Variants in IMMP2L observed in about 807,000 individuals in gnomAD.
IMMP2L encodes inner mitochondrial membrane peptidase subunit 2.
A neutral mutation model predicts 19.3 loss-of-function variants in IMMP2L; 18 were observed. That is an observed-to-expected ratio of 0.93 (90% CI 0.64 to 1.38). IMMP2L has a LOEUF of 1.38. Among genes scored for constraint, IMMP2L ranks in the 40% most tolerant of loss-of-function variants. IMMP2L has a pLI of 0.00. For synonymous variants in IMMP2L, 76 were observed against 73.0 expected (o/e 1.04, Z -0.21); for missense variants, 233 against 218.2 (o/e 1.07, Z -0.43).
chr7:111,458,103 G>T (rs999974660), intron 3 of IMMP2L, among the ~76,000 whole-genome samples: 4 of 152,132 alleles, frequency 2.6e-5, no homozygotes, highest in African/African-American at 9.7e-5. Flanking sequence ...ATGCACCAGG[G>T]CACGGTGGTT....
intron 5 of IMMP2L, among the ~76,000 whole-genome samples, chr7:110,719,179 G>C (rs2130755869): frequency 6.6e-6 from 1 of 152,264 alleles, no homozygotes; most frequent in Admixed American, 6.5e-5. Flanking sequence ...ACACTGGACT[G>C]AACATGAGTG....
chr7:111,336,536 C>A (rs1397096034), intron 3 of IMMP2L, among the ~76,000 whole-genome samples: 3 of 152,100 alleles, frequency 2.0e-5, no homozygotes, highest in East Asian at 3.9e-4. Flanking sequence ...TAAAAATTAT[C>A]TCTAACAGTA....
chr7:111,428,316 T>C (rs1465606622), intron 3 of IMMP2L, among the ~76,000 whole-genome samples: 1 of 151,722 alleles, frequency 6.6e-6, no homozygotes, highest in Non-Finnish European at 1.5e-5. Context: ...GAAAAATGAA[T>C]ACCAAAAATG....
Position 111,164,141 on chromosome 7 carries a change from GAGGAAGGA to G in IMMP2L, c.240-200584_240-200577del, listed in dbSNP as rs148915362. ...AGGGAGGGGAGGGAGGAGAGGGAGA[GAGGAAGGA>G]AGGAAGGAAGGAAGGCAGGAAGGCA... On this transcript the variant is annotated intron_variant, in intron 3 of 5. Coordinates refer to ENST00000405709, the MANE Select transcript of IMMP2L (RefSeq NM_032549.4). Among the ~76,000 whole-genome samples the G allele has an allele frequency of 6.5e-4, 97 of 150,216 alleles. 1 individual carries two copies. The East Asian group carries it at 0.018, about 28-fold the overall frequency.
At chr7:110,922,658 G>A (rs1329411365) in intron 4 of IMMP2L, among the ~76,000 whole-genome samples, 1 of 152,016 alleles carries the variant, frequency 6.6e-6, no homozygotes, top group East Asian at 1.9e-4. Flanking sequence ...TAGGCTCAAG[G>A]AACCACAGAG....
intron 5 of IMMP2L, among the ~76,000 whole-genome samples, chr7:110,730,331 G>A (rs935304394): frequency 2.0e-5 from 3 of 151,950 alleles, no homozygotes; most frequent in Non-Finnish European, 4.4e-5. Flanking sequence ...TGAGTCTCCC[G>A]GCCTTCATCT....
At chr7:111,337,349 G>A (rs571663128) in intron 3 of IMMP2L, among the ~76,000 whole-genome samples, 1 of 152,190 alleles carries the variant, frequency 6.6e-6, no homozygotes, top group South Asian at 2.1e-4. Flanking sequence ...TAGAAATTAT[G>A]CCATAATCAC....
At chr7:111,445,576 C>A (rs1838268408) in intron 3 of IMMP2L, among the ~76,000 whole-genome samples, 1 of 152,158 alleles carries the variant, frequency 6.6e-6, no homozygotes. Context: ...AGCACGTTCT[C>A]TAAGACATGG....
intron 4 of IMMP2L, among the ~76,000 whole-genome samples, chr7:110,909,100 G>A (rs996866676): frequency 3.4e-4 from 51 of 152,034 alleles, no homozygotes; most frequent in African/African-American, 1.0e-3. Context: ...GATTGAGAGC[G>A]TATGCCAAGA....
chr7:111,216,583 A>G (rs1811947462), intron 3 of IMMP2L, among the ~76,000 whole-genome samples: 1 of 152,066 alleles, frequency 6.6e-6, no homozygotes, highest in East Asian at 1.9e-4. Flanking sequence ...AATGTACAGT[A>G]CTCTATTATT....
In IMMP2L at chr7:110,799,250, A is replaced by C. The variant is rs141439114; in HGVS notation, c.408+87343T>G. Among the ~76,000 whole-genome samples the C allele has an allele frequency of 1.9e-3, 283 of 152,106 alleles. 1 individual carries two copies. Among genetic ancestry groups the C allele is most frequent in the African/African-American group, 6.4e-3 (267 of 41,536 alleles). On this transcript the variant is annotated intron_variant, in intron 5 of 5. Transcript: ENST00000405709. ...GCATGCTTACCATATGTATATCTAG[A>C]AGCTTAGAACCAAAAACTGAAGAAT...
chr7:111,351,320 A>G (rs1395877605), intron 3 of IMMP2L, among the ~76,000 whole-genome samples: 1 of 152,122 alleles, frequency 6.6e-6, no homozygotes. Context: ...CCTCTCGAGT[A>G]GCTGAGATTA....
chr7:110,735,287 C>T (rs1298057277), intron 5 of IMMP2L, among the ~76,000 whole-genome samples: 1 of 152,134 alleles, frequency 6.6e-6, no homozygotes, highest in East Asian at 1.9e-4. Context: ...TTATAAAAAC[C>T]TCTGTATCCA....
intron 3 of IMMP2L, among the ~76,000 whole-genome samples, chr7:111,132,135 T>C (rs565521139): frequency 6.6e-6 from 1 of 152,142 alleles, no homozygotes; most frequent in South Asian, 2.1e-4. Flanking sequence ...AGTTACTACT[T>C]ATTTGCCAAA....
At chr7:111,544,441 A>T (rs1026573581) in intron 1 of IMMP2L, among the ~76,000 whole-genome samples, 2 of 152,188 alleles carry the variant, frequency 1.3e-5, no homozygotes, top group African/African-American at 4.8e-5. Context: ...AATTCAGTTC[A>T]TATTTCTTTA....
intron 4 of IMMP2L, among the ~76,000 whole-genome samples, chr7:110,956,997 T>G (rs1415151845): frequency 6.6e-6 from 1 of 151,994 alleles, no homozygotes; most frequent in Non-Finnish European, 1.5e-5. Context: ...AAATAATATT[T>G]CGGTGGAACT....
intron 3 of IMMP2L, among the ~76,000 whole-genome samples, chr7:110,999,330 GTTT>G (rs71151823): frequency 4.7e-5 from 6 of 128,708 alleles, no homozygotes; most frequent in African/African-American, 1.7e-4. Context: ...ATTTTCCATG[GTTT>G]TTTTTTTTGA....
chr7:111,102,416 A>C (rs1293846432), intron 3 of IMMP2L, among the ~76,000 whole-genome samples: 1 of 151,532 alleles, frequency 6.6e-6, no homozygotes, highest in African/African-American at 2.4e-5. Context: ...TAGCAGAAGC[A>C]CAATTCACTG....
At chr7:110,985,792 T>C (rs763519519) in intron 3 of IMMP2L, among the ~76,000 whole-genome samples, 8 of 152,242 alleles carry the variant, frequency 5.3e-5, no homozygotes, top group Non-Finnish European at 1.0e-4. Context: ...TTGATATCCA[T>C]TGACAGAAAT....
Sources: allele counts gnomAD v4.1 joint callset (sites outside exome capture counted in the v4.1 genomes callset), GRCh38; gene constraint gnomAD v4.1.1; transcripts MANE v1.5; gene names NCBI Gene and HGNC (gene_info 2026-07-23, HGNC 2026-07-21).